The following KHDRBS2 variants were observed in gnomAD, a reference collection of about 807,000 sequenced individuals.
KHDRBS2 encodes KH RNA binding domain containing, signal transduction associated 2.
A neutral mutation model predicts 44.3 loss-of-function variants in KHDRBS2; 26 were observed. The observed-to-expected ratio is 0.59, with a 90% CI of 0.43 to 0.81. The LOEUF (loss-of-function observed/expected upper bound fraction) is 0.81, where lower values mean the gene tolerates loss of function less well. Ranked by LOEUF, KHDRBS2 falls within the 40% of genes least tolerant of loss-of-function variation. The pLI is 0.00. For synonymous variants in KHDRBS2, 194 were observed against 151.1 expected (o/e 1.28, Z -2.08); for missense variants, 476 against 433.1 (o/e 1.10, Z -0.88).
chr6:62,067,347 T>C (rs2127339431), intron 2 of KHDRBS2, among the ~76,000 whole-genome samples: 1 of 151,668 alleles, frequency 6.6e-6, no homozygotes, highest in Admixed American at 6.6e-5. Context: ...AACAGAAATG[T>C]TCTATATTAA....
At chr6:61,865,582 G>A (rs1010565020) in intron 6 of KHDRBS2, among the ~76,000 whole-genome samples, 1 of 152,042 alleles carries the variant, frequency 6.6e-6, no homozygotes, top group Non-Finnish European at 1.5e-5. Context: ...ATTCAAGATG[G>A]CATCTGGGTG....
chr6:62,219,467 C>A (rs1830527789), intron 1 of KHDRBS2, among the ~76,000 whole-genome samples: 1 of 151,560 alleles, frequency 6.6e-6, no homozygotes, highest in Non-Finnish European at 1.5e-5. Flanking sequence ...CAAACAAAAA[C>A]AAATTCTCAT....
chr6:61,933,220 C>A (rs555461545), intron 4 of KHDRBS2, among the ~76,000 whole-genome samples: 1 of 152,202 alleles, frequency 6.6e-6, no homozygotes, highest in Admixed American at 6.5e-5. Context: ...TTTAAACAAC[C>A]AGAACTCCTG....
At chr6:61,772,187 T>C (rs1168212952) in intron 6 of KHDRBS2, among the ~76,000 whole-genome samples, 1 of 152,162 alleles carries the variant, frequency 6.6e-6, no homozygotes, top group Admixed American at 6.6e-5. Flanking sequence ...GAGGGAAATT[T>C]ATAGCACGAA....
chr6:61,729,098 C>A (rs1774028512), intron 7 of KHDRBS2, among the ~76,000 whole-genome samples: 1 of 152,118 alleles, frequency 6.6e-6, no homozygotes. Context: ...CACTGATAGA[C>A]AGGATAAAGA....
intron 2 of KHDRBS2, among the ~76,000 whole-genome samples, chr6:62,088,691 T>C (rs1219473178): frequency 1.3e-5 from 2 of 152,152 alleles, no homozygotes; most frequent in South Asian, 2.1e-4. Flanking sequence ...AGGGACCCAC[T>C]TGGGGGGACA....
chr6:62,203,744 T>C (rs550279802), intron 1 of KHDRBS2, among the ~76,000 whole-genome samples: 1 of 152,246 alleles, frequency 6.6e-6, no homozygotes, highest in Admixed American at 6.5e-5. Context: ...AAGATCAGAT[T>C]ATTAACTGAG....
At chr6:61,905,940 C>T (rs1447237366) in intron 4 of KHDRBS2, among the ~76,000 whole-genome samples, 3 of 149,490 alleles carry the variant, frequency 2.0e-5, no homozygotes, top group African/African-American at 7.4e-5. Context: ...ACTGCAACCT[C>T]TGCGGCCCGG....
At chr6:61,746,886 A>C (rs573023909) in intron 6 of KHDRBS2, among the ~76,000 whole-genome samples, 1 of 152,288 alleles carries the variant, frequency 6.6e-6, no homozygotes, top group African/African-American at 2.4e-5. Flanking sequence ...ACGGGATCCA[A>C]TTAAACTAAA....
intron 2 of KHDRBS2, among the ~76,000 whole-genome samples, chr6:62,158,097 A>G (rs1352846390): frequency 6.6e-6 from 1 of 152,170 alleles, no homozygotes; most frequent in East Asian, 1.9e-4. Flanking sequence ...ATCTCCTTTC[A>G]TCCATTTCAT....
chr6:61,640,648 A>G, the KHDRBS2 span, among the ~76,000 whole-genome samples: 8 of 152,212 alleles, frequency 5.3e-5, no homozygotes, highest in Non-Finnish European at 1.5e-5. Flanking sequence ...TGCTGACCCA[A>G]AAGGATTTAC....
intron 6 of KHDRBS2, among the ~76,000 whole-genome samples, chr6:61,757,782 C>T (rs1287357579): frequency 6.6e-6 from 1 of 152,042 alleles, no homozygotes; most frequent in African/African-American, 2.4e-5. Context: ...AAGCAGTTCT[C>T]AGTTTAGGGC....
At chr6:62,131,668 A>C (rs1012729547) in intron 2 of KHDRBS2, among the ~76,000 whole-genome samples, 1 of 152,120 alleles carries the variant, frequency 6.6e-6, no homozygotes, top group Non-Finnish European at 1.5e-5. Context: ...CTGGTTTCCT[A>C]TTGGGGTCCT....
At chr6:62,220,936 A>G (rs949720662) in intron 1 of KHDRBS2, among the ~76,000 whole-genome samples, 5 of 151,980 alleles carry the variant, frequency 3.3e-5, no homozygotes, top group Admixed American at 6.6e-5. Context: ...ACATAAATTA[A>G]TCATATGACC....
chr6:61,875,016 GA>G (rs1799214107), intron 6 of KHDRBS2, among the ~76,000 whole-genome samples: 1 of 152,120 alleles, frequency 6.6e-6, no homozygotes, highest in African/African-American at 2.4e-5. Flanking sequence ...TCTAGCAGAA[GA>G]GACAGGCAAG....
the KHDRBS2 span, among the ~76,000 whole-genome samples, chr6:61,584,524 T>G: frequency 6.6e-6 from 1 of 151,900 alleles, no homozygotes; most frequent in Non-Finnish European, 1.5e-5. Flanking sequence ...TAATCTTGCA[T>G]TTGTAGAATA....
chr6:62,260,833 T>C (rs1300109637), intron 1 of KHDRBS2, among the ~76,000 whole-genome samples: 1 of 151,904 alleles, frequency 6.6e-6, no homozygotes, highest in Non-Finnish European at 1.5e-5. Flanking sequence ...GTATGCACAA[T>C]ACCTAAATAA....
chr6:61,917,437 A>G (rs190491496), intron 4 of KHDRBS2, among the ~76,000 whole-genome samples: 76 of 152,112 alleles, frequency 5.0e-4, no homozygotes, highest in African/African-American at 1.6e-3. Flanking sequence ...GACATTCTAG[A>G]AAAAGCAAAA....
At chr6:61,755,381 T>C (rs1217061664) in intron 6 of KHDRBS2, among the ~76,000 whole-genome samples, 2 of 152,128 alleles carry the variant, frequency 1.3e-5, no homozygotes, top group Non-Finnish European at 2.9e-5. Context: ...AGTCCTGGAC[T>C]ATGAAGGAAA....
Sources: allele counts gnomAD v4.1 joint callset (sites outside exome capture counted in the v4.1 genomes callset), GRCh38; gene constraint gnomAD v4.1.1; transcripts MANE v1.5; gene names NCBI Gene and HGNC (gene_info 2026-07-23, HGNC 2026-07-21).